The following KIAA0232 variants were observed in gnomAD, a reference collection of about 807,000 sequenced individuals.
KIAA0232 encodes uncharacterized protein KIAA0232.
A neutral mutation model predicts 122.0 loss-of-function variants in KIAA0232; 27 were observed. That is an observed-to-expected ratio of 0.22 (90% confidence interval 0.16 to 0.31). The LOEUF (loss-of-function observed/expected upper bound fraction) is 0.31. KIAA0232 is among the 10% of genes least tolerant of loss of function. The pLI, the probability that KIAA0232 is intolerant of heterozygous loss-of-function variation, is 1.00. For synonymous variants in KIAA0232, 613 were observed against 587.6 expected (o/e 1.04, Z -0.63); for missense variants, 1,551 against 1,634.2 (o/e 0.95, Z 0.88).
chr4:6,858,836 A>G (rs943070932), intron 6 of KIAA0232, among the ~76,000 whole-genome samples: 4 of 152,204 alleles, frequency 2.6e-5, no homozygotes, highest in African/African-American at 7.2e-5. Context: ...TCAGCCGGGC[A>G]CAGTGGCTCA....
At chr4:6,875,650 G>A (rs939712923) in intron 8 of KIAA0232, among the ~76,000 whole-genome samples, 4 of 152,288 alleles carry the variant, frequency 2.6e-5, no homozygotes, top group Admixed American at 1.3e-4. Flanking sequence ...ATGTCATCTC[G>A]TCAAACTACC....
chr4:6,832,267 T>C (rs920810872), intron 3 of KIAA0232, among the ~76,000 whole-genome samples: 9 of 152,170 alleles, frequency 5.9e-5, no homozygotes, highest in African/African-American at 1.2e-4. Flanking sequence ...CTTCATGACA[T>C]TTTTTATTAC....
At chr4:6,848,623 A>C (rs996494425) in intron 4 of KIAA0232, among the ~76,000 whole-genome samples, 5 of 152,330 alleles carry the variant, frequency 3.3e-5, no homozygotes, top group Admixed American at 3.3e-4. Flanking sequence ...ACATCCACAG[A>C]TTTTGGTATC....
intron 1 of KIAA0232, among the ~76,000 whole-genome samples, chr4:6,803,205 A>G (rs1478998610): frequency 2.0e-4 from 6 of 29,272 alleles, no homozygotes; most frequent in Admixed American, 8.5e-4. Flanking sequence ...AAATGAGTGC[A>G]TATATATATA....
At chr4:6,798,602 A>T (rs185998134) in intron 1 of KIAA0232, among the ~76,000 whole-genome samples, 192 of 152,296 alleles carry the variant, frequency 1.3e-3, no homozygotes, top group African/African-American at 3.9e-3. Context: ...CACAGGCTGG[A>T]GTGCAGGGGT....
At chr4:6,839,252 G>A (rs1483539769) in intron 3 of KIAA0232, among the ~76,000 whole-genome samples, 1 of 152,176 alleles carries the variant, frequency 6.6e-6, no homozygotes, top group African/African-American at 2.4e-5. Context: ...GTCAGGTTTA[G>A]ATTTTGCATT....
chr4:6,850,609 G>C (rs1029774551), intron 4 of KIAA0232, among the ~76,000 whole-genome samples: 3 of 151,560 alleles, frequency 2.0e-5, no homozygotes, highest in African/African-American at 7.3e-5. Flanking sequence ...TATTCTCCTG[G>C]TAATGGGCCT....
Position 6,864,139 on chromosome 4 carries a change from C to T in KIAA0232, c.3757C>T (p.Pro1253Ser). Residue 1253 changes from proline (P) to serine (S), a missense_variant, in exon 7 of 10, where the codon CCT (proline) becomes TCT (serine). Around this residue, in one of 5 missense-constraint regions of KIAA0232, gnomAD observed 1,108 missense variants for 1,154.8 expected, o/e 0.96. Coordinates refer to ENST00000307659, the MANE Select transcript of KIAA0232 (RefSeq NM_014743.3). ...FCGCKAGCQF[P>S]AYEDNPVSSG... ...TGGTTGCAAAGCAGGTTGTCAGTTT[C>T]CTGCTTATGAAGATAATCCAGTTTC... 1 of 1,614,026 alleles carries T rather than the reference C, an allele frequency of 6.2e-7. No individual in the cohort carries two copies. The highest frequency in any genetic ancestry group is 1.1e-5 in the South Asian group (1 of 91,062).
chr4:6,829,814 C>T (rs886906701), intron 3 of KIAA0232, among the ~76,000 whole-genome samples: 3 of 151,870 alleles, frequency 2.0e-5, no homozygotes, highest in Non-Finnish European at 2.9e-5. Context: ...TTTTCCTGCC[C>T]AGAAGTTGTG....
intron 3 of KIAA0232, 77 bp downstream of exon 3, chr4:6,824,761 A>G: frequency 2.4e-6 from 3 of 1,234,110 alleles, no homozygotes; most frequent in Non-Finnish European, 3.5e-6. Context: ...AAGCACTTTT[A>G]TACTTTAAAA....
At chr4:6,877,334 G>A (rs540159117) in intron 9 of KIAA0232, among the ~76,000 whole-genome samples, 27 of 152,324 alleles carry the variant, frequency 1.8e-4, no homozygotes, top group South Asian at 8.3e-4. Flanking sequence ...AGGCGGGAGC[G>A]GGGCCTCCGC....
intron 3 of KIAA0232, among the ~76,000 whole-genome samples, chr4:6,834,164 A>C (rs921587449): frequency 6.6e-6 from 1 of 152,132 alleles, no homozygotes; most frequent in African/African-American, 2.4e-5. Flanking sequence ...CTCAGAGCTC[A>C]CTGAGCCTCG....
intron 2 of KIAA0232, among the ~76,000 whole-genome samples, chr4:6,816,425 A>C (rs143576883): frequency 6.6e-6 from 1 of 151,784 alleles, no homozygotes. Context: ...TGGGACTACA[A>C]GCGCCTGCCA....
At chr4:6,827,623 A>G (rs979669335) in intron 3 of KIAA0232, among the ~76,000 whole-genome samples, 10 of 152,216 alleles carry the variant, frequency 6.6e-5, no homozygotes, top group African/African-American at 2.4e-4. Context: ...GCTAAAGCAA[A>G]CACGCAGTGC....
At chr4:6,815,453 G>A (rs187854901) in intron 2 of KIAA0232, among the ~76,000 whole-genome samples, 211 of 152,306 alleles carry the variant, frequency 1.4e-3, no homozygotes, top group Non-Finnish European at 2.5e-3. Context: ...GGTAGAGAAA[G>A]CTTAGTGCCC....
At chr4:6,788,920 A>G (rs1716753108) in intron 1 of KIAA0232, among the ~76,000 whole-genome samples, 1 of 152,066 alleles carries the variant, frequency 6.6e-6, no homozygotes, top group African/African-American at 2.4e-5. Flanking sequence ...CAGTGTTCAC[A>G]TATTTATTTC....
intron 3 of KIAA0232, among the ~76,000 whole-genome samples, chr4:6,835,159 C>G (rs112554577): frequency 6.3e-4 from 96 of 152,264 alleles, no homozygotes; most frequent in Non-Finnish European, 1.0e-3. Flanking sequence ...TTGACCAGAG[C>G]CTCTTCATGT....
At chr4:6,848,086 C>T (rs150329118) in intron 4 of KIAA0232, among the ~76,000 whole-genome samples, 1 of 152,274 alleles carries the variant, frequency 6.6e-6, no homozygotes, top group East Asian at 1.9e-4. Flanking sequence ...CCCTGGGGAG[C>T]TGACCAGTCC....
At chr4:6,870,922 G>A (rs1721446185) in intron 7 of KIAA0232, among the ~76,000 whole-genome samples, 1 of 152,196 alleles carries the variant, frequency 6.6e-6, no homozygotes, top group African/African-American at 2.4e-5. Flanking sequence ...TGCCAGTAAA[G>A]GCTCAGGGCT....
Sources: gnomAD v4.1 joint callset for allele counts (sites outside exome capture counted in the v4.1 genomes callset) on GRCh38, gnomAD v4.1.1 for gene constraint, gnomAD v4.1.1 regional missense constraint, MANE v1.5 for transcripts, NCBI Gene and HGNC (gene_info 2026-07-23, HGNC 2026-07-21) for gene names.